MRTFA: variants seen among roughly 807,000 people sequenced by gnomAD.
MRTFA encodes myocardin-related transcription factor A.
In MRTFA, 20 loss-of-function variants were observed where a neutral mutation model predicts 83.5. That is an observed-to-expected ratio of 0.24 (90% CI 0.17 to 0.35). The LOEUF is 0.35. Ranked by LOEUF, MRTFA falls within the 10% of genes least tolerant of loss-of-function variation. The pLI, the probability that MRTFA is intolerant of heterozygous loss-of-function variation, is 1.00. For synonymous variants in MRTFA, 659 were observed against 541.2 expected (o/e 1.22, Z -3.02); for missense variants, 1,200 against 1,224.7 (o/e 0.98, Z 0.30).
chr22:40,619,877 G>A (rs1372739481), intron 1 of MRTFA, among the ~76,000 whole-genome samples: 3 of 112,738 alleles, frequency 2.7e-5, no homozygotes, highest in Admixed American at 1.1e-4. Flanking sequence ...GCAACAGAGC[G>A]AAACTCCGTC....
At chr22:40,452,103 C>G (rs2053503460) in intron 4 of MRTFA, among the ~76,000 whole-genome samples, 1 of 151,590 alleles carries the variant, frequency 6.6e-6, no homozygotes, top group African/African-American at 2.4e-5. Flanking sequence ...CCTGCCTCAG[C>G]CTCCCGAGTA....
At chr22:40,610,848 G>C (rs1448911147) in intron 1 of MRTFA, among the ~76,000 whole-genome samples, 2 of 150,892 alleles carry the variant, frequency 1.3e-5, no homozygotes, top group Non-Finnish European at 3.0e-5. Flanking sequence ...TAATAGAAGG[G>C]CATTAAAGGA....
chr22:40,435,201 A>C (rs2053144944), intron 5 of MRTFA, among the ~76,000 whole-genome samples: 1 of 152,198 alleles, frequency 6.6e-6, no homozygotes, highest in Non-Finnish European at 1.5e-5. Context: ...TCTCCAAAGC[A>C]CTCCAAAATT....
intron 3 of MRTFA, among the ~76,000 whole-genome samples, chr22:40,542,145 A>ATAC (rs149984240): frequency 0.047 from 7,129 of 152,190 alleles, 272 homozygotes; most frequent in Non-Finnish European, 0.074. Flanking sequence ...CTCCACTGAT[A>ATAC]TACTGGTACT....
chr22:40,563,834 A>G (rs556313848), intron 2 of MRTFA, among the ~76,000 whole-genome samples: 1 of 152,358 alleles, frequency 6.6e-6, no homozygotes, highest in South Asian at 2.1e-4. Flanking sequence ...AAAGGGCAAT[A>G]CAGTTTAGCC....
intron 3 of MRTFA, among the ~76,000 whole-genome samples, chr22:40,483,130 A>C (rs1399121604): frequency 2.6e-5 from 4 of 152,088 alleles, no homozygotes; most frequent in Non-Finnish European, 5.9e-5. Context: ...GCAGGATCAC[A>C]GCTCACTGTA....
intron 1 of MRTFA, among the ~76,000 whole-genome samples, chr22:40,604,745 C>CA (rs1316371579): frequency 2.0e-5 from 3 of 150,302 alleles, no homozygotes; most frequent in Middle Eastern, 3.4e-3. Flanking sequence ...GACTCCATCT[C>CA]AAAAAAAGGA....
chr22:40,474,057 C>T (rs2053954994), intron 3 of MRTFA, among the ~76,000 whole-genome samples: 1 of 152,196 alleles, frequency 6.6e-6, no homozygotes, highest in Non-Finnish European at 1.5e-5. Context: ...CAAGTATTTA[C>T]TAAACAACTA....
At chr22:40,520,336 C>T (rs1262027301) in intron 3 of MRTFA, among the ~76,000 whole-genome samples, 3 of 152,170 alleles carry the variant, frequency 2.0e-5, no homozygotes, top group Admixed American at 6.6e-5. Flanking sequence ...CTGGACATTT[C>T]ATTTAAATGG....
intron 1 of MRTFA, among the ~76,000 whole-genome samples, chr22:40,615,452 C>A (rs2056437462): frequency 6.6e-6 from 1 of 152,036 alleles, no homozygotes; most frequent in African/African-American, 2.4e-5. Flanking sequence ...TATTATAGGT[C>A]CCTTGTATTT....
intron 3 of MRTFA, among the ~76,000 whole-genome samples, chr22:40,546,218 C>T (rs2055363247): frequency 6.6e-6 from 1 of 152,210 alleles, no homozygotes. Context: ...CATTTCTGCT[C>T]CTATCATTAC....
At chr22:40,532,250 T>C (rs1352096374) in intron 3 of MRTFA, among the ~76,000 whole-genome samples, 1 of 152,232 alleles carries the variant, frequency 6.6e-6, no homozygotes, top group African/African-American at 2.4e-5. Context: ...AAAGAAAAGT[T>C]ACTGGACTGA....
rs768232327 is a variant in MRTFA at position 40,419,413 on chromosome 22, CA to C, written c.1354-30del. The C allele has an allele frequency of 1.9e-6, 3 of 1,606,062 alleles. No individual in the cohort carries two copies. The East Asian group carries it at 6.7e-5, about 36-fold the overall frequency. On this transcript the variant is annotated intron_variant, in intron 11 of 14. Transcript: ENST00000355630. The stretch of plus-strand genomic sequence containing the variant: ...CAAGGCAGTCAAGAGTCAGGGAGGC[CA>C]GGGGCAGCTGGACACAGGGCACTGG...
At chr22:40,560,851 T>C (rs1430351648) in intron 2 of MRTFA, among the ~76,000 whole-genome samples, 3 of 152,118 alleles carry the variant, frequency 2.0e-5, no homozygotes, top group Non-Finnish European at 4.4e-5. Context: ...CAGAACAACA[T>C]ACGTACCTAG....
chr22:40,447,619 G>A (rs976079385), intron 4 of MRTFA, among the ~76,000 whole-genome samples: 4 of 152,158 alleles, frequency 2.6e-5, no homozygotes, highest in East Asian at 1.9e-4. Flanking sequence ...TGGTGCCTGC[G>A]AACCTTGACA....
intron 3 of MRTFA, among the ~76,000 whole-genome samples, chr22:40,498,277 T>TATATATATATATTTATATATATATATTTA (rs1602339552): frequency 1.2e-5 from 1 of 81,920 alleles, no homozygotes; most frequent in Non-Finnish European, 2.4e-5. Context: ...ATATATATTT[T>TATATATATATATTTATATATATATATTTA]TTTTTTTTTT....
Position 40,418,905 on chromosome 22 carries a change from G to C in MRTFA, c.1833C>G (p.Ser611Arg), listed in dbSNP as rs745803298. 1.9e-6 allele frequency: 3 copies of C among 1,612,624 alleles called. No homozygotes were observed. Among genetic ancestry groups the C allele is most frequent in the African/African-American group, 1.3e-5 (1 of 74,902 alleles). Residue 611 changes from serine (S) to arginine (R), a missense_variant, in exon 12 of 15, where the codon AGC (serine) becomes AGG (arginine). By Grantham distance (110) the Ser-to-Arg change is moderately radical. Around this residue, in one of 2 missense-constraint regions of MRTFA, gnomAD observed 1,107 missense variants for 1,041.8 expected, o/e 1.06. Coordinates refer to ENST00000355630, the MANE Select transcript of MRTFA (RefSeq NM_020831.6). ...CCTCTAGCTCCGCCCGCCCCCCAGG[G>C]CTCAGGCAACAGGACCCGGCCCGGG...
intron 3 of MRTFA, among the ~76,000 whole-genome samples, chr22:40,517,007 C>T (rs2054772637): frequency 6.6e-6 from 1 of 152,040 alleles, no homozygotes; most frequent in South Asian, 2.1e-4. Context: ...ACGGCAGCCT[C>T]GACTTTCTGG....
At chr22:40,604,280 G>A (rs999077198) in intron 1 of MRTFA, among the ~76,000 whole-genome samples, 2 of 151,624 alleles carry the variant, frequency 1.3e-5, no homozygotes, top group Admixed American at 6.6e-5. Context: ...ACAGGCGCCC[G>A]CCACCACACC....
Sources: allele counts gnomAD v4.1 joint callset (sites outside exome capture counted in the v4.1 genomes callset), GRCh38; gene constraint gnomAD v4.1.1; regional missense constraint gnomAD v4.1.1; transcripts MANE v1.5; gene names NCBI Gene and HGNC (gene_info 2026-07-23, HGNC 2026-07-21).